ZZEF1: variants seen among roughly 807,000 people sequenced by gnomAD.
ZZEF1 encodes the protein zinc finger ZZ-type and EF-hand domain containing 1, also known as zinc finger ZZ-type and EF-hand domain-containing protein 1.
ZZEF1 carries 157 observed loss-of-function variants against 342.8 expected under a neutral mutation model. That is an observed-to-expected ratio of 0.46 (90% confidence interval 0.40 to 0.52). ZZEF1 has a LOEUF of 0.52. Ranked by LOEUF, ZZEF1 falls within the 20% of genes least tolerant of loss-of-function variation. The pLI is 0.00. For synonymous variants in ZZEF1, 1,505 were observed against 1,429.1 expected (o/e 1.05, Z -1.20); for missense variants, 3,480 against 3,725.6 (o/e 0.93, Z 1.72).
intron 26 of ZZEF1, among the ~76,000 whole-genome samples, chr17:4,067,906 C>A (rs577471717): frequency 6.6e-6 from 1 of 152,022 alleles, no homozygotes; most frequent in Non-Finnish European, 1.5e-5. Flanking sequence ...TAGCAAGACT[C>A]TGTCTCTACA....
chr17:4,130,056 T>C (rs779378901), intron 1 of ZZEF1, among the ~76,000 whole-genome samples: 1 of 152,096 alleles, frequency 6.6e-6, no homozygotes, highest in Non-Finnish European at 1.5e-5. Context: ...AAAATAACTA[T>C]TGGGTGCTGG....
chr17:4,063,059 A>T (rs2057318310), intron 29 of ZZEF1, 142 bp from the exon 30 acceptor site: 1 of 760,018 alleles, frequency 1.3e-6, no homozygotes, highest in African/African-American at 1.8e-5. Flanking sequence ...TAGGAGAAGT[A>T]CCAATACCTC....
intron 42 of ZZEF1, among the ~76,000 whole-genome samples, chr17:4,028,078 T>C (rs1482491161): frequency 6.6e-6 from 1 of 152,216 alleles, no homozygotes; most frequent in Non-Finnish European, 1.5e-5. Context: ...TAAATGTTGT[T>C]CTAGGGTTTA....
intron 11 of ZZEF1, among the ~76,000 whole-genome samples, chr17:4,093,536 T>C (rs1334754085): frequency 6.6e-6 from 1 of 152,214 alleles, no homozygotes; most frequent in Non-Finnish European, 1.5e-5. Context: ...ATTCGAATTA[T>C]TCTAGATCCT....
intron 27 of ZZEF1, 146 bp from the exon 28 acceptor site, chr17:4,066,686 C>T: frequency 1.4e-6 from 1 of 696,254 alleles, no homozygotes; most frequent in Non-Finnish European, 2.5e-6. Context: ...ATACTCACAA[C>T]CTTATTACTT....
rs2144941893 is a variant in ZZEF1, at chr17:4,014,288, A to G, written c.8314+59T>C. On this transcript the variant is annotated intron_variant, in intron 50 of 54. Transcript: ENST00000381638. This position sits in a 1 kb window ranked among gnomAD's most constrained non-coding sequence, Gnocchi z 4.4. ...CATTCTCCAGTAAGTTCCCTTCTCA[A>G]TATTAAGTTTAAACACTGCCTGTGA... 1 of 1,611,622 alleles carries G rather than the reference A, an allele frequency of 6.2e-7. No individual in the cohort carries two copies. The highest frequency in any genetic ancestry group is 8.5e-7 in the Non-Finnish European group (1 of 1,177,956).
intron 9 of ZZEF1, among the ~76,000 whole-genome samples, chr17:4,100,698 G>C (rs796285570): frequency 5.3e-5 from 8 of 152,272 alleles, no homozygotes; most frequent in African/African-American, 1.9e-4. Context: ...AGCCGGGCGT[G>C]GTGGCGGGCG....
intron 3 of ZZEF1, among the ~76,000 whole-genome samples, chr17:4,115,455 G>A (rs2058379446): frequency 6.6e-6 from 1 of 152,170 alleles, no homozygotes; most frequent in African/African-American, 2.4e-5. Context: ...TTGAGGTCAG[G>A]AGGTCGAGAC....
At chr17:4,068,269 T>C (rs1341175865) in intron 26 of ZZEF1, among the ~76,000 whole-genome samples, 3 of 152,192 alleles carry the variant, frequency 2.0e-5, no homozygotes, top group Non-Finnish European at 2.9e-5. Context: ...AGGTTTTGTT[T>C]ATAATTAGAA....
At chr17:4,037,218 C>T (rs549347043) in intron 39 of ZZEF1, among the ~76,000 whole-genome samples, 19 of 152,284 alleles carry the variant, frequency 1.2e-4, no homozygotes, top group African/African-American at 3.4e-4. Flanking sequence ...ACTCTCCCCA[C>T]TAAATATTTA....
intron 43 of ZZEF1, among the ~76,000 whole-genome samples, chr17:4,023,335 G>A (rs928268823): frequency 3.3e-5 from 5 of 152,190 alleles, no homozygotes; most frequent in Non-Finnish European, 5.9e-5. Context: ...AGCTCCAGGA[G>A]AGCAGGGACC....
rs1425598721 is a variant in ZZEF1, at chr17:4,116,965, C to A, written c.694+7G>T. On this transcript the variant is annotated splice_region_variant and intron_variant, in intron 3 of 54. Coordinates refer to ENST00000381638, the MANE Select transcript of ZZEF1 (RefSeq NM_015113.4). ...GTATTTTCAGGAGAACCCCCACACA[C>A]ACATACCCTTTTCCTTTTGTACCAG... 1 of 1,597,174 alleles carries A rather than the reference C, an allele frequency of 6.3e-7. No individual in the cohort carries two copies.
intron 46 of ZZEF1, among the ~76,000 whole-genome samples, chr17:4,019,238 T>C (rs914817963): frequency 3.3e-5 from 5 of 152,142 alleles, no homozygotes; most frequent in African/African-American, 9.7e-5. Context: ...ATTGCAGATA[T>C]GTAAAGTTCT....
chr17:4,006,347 T>G lies in ZZEF1; in HGVS notation c.*543A>C, dbSNP rs1218683758. 1 of 175,028 alleles carries G rather than the reference T, an allele frequency of 5.7e-6. No homozygotes were observed. Among genetic ancestry groups the G allele is most frequent in the Non-Finnish European group, 1.2e-5 (1 of 81,482 alleles). The allele number at this position is 175,028 out of a possible 1,614,324, so 10.8% of individuals were successfully genotyped here. ...GGGTGCGGCCGTGCAGGGAGCTAGC[T>G]CGATGCCTGGTTCTGTACTGGATGC... On this transcript the variant is annotated 3_prime_UTR_variant, in exon 55 of 55. Coordinates refer to ENST00000381638, the MANE Select transcript of ZZEF1 (RefSeq NM_015113.4).
At chr17:4,096,098 CAA>C in intron 10 of ZZEF1, 119 bp from the exon 11 acceptor site, 1 of 1,144,540 alleles carries the variant, frequency 8.7e-7, no homozygotes, top group East Asian at 2.6e-5. Flanking sequence ...AAAAATATTT[CAA>C]ACATATTAAG....
In ZZEF1 at chr17:4,021,171, G is replaced by A. The variant is rs1398361419; in HGVS notation, c.7362C>T (p.Asp2454=). 1 of 1,613,864 alleles carries A rather than the reference G, an allele frequency of 6.2e-7. No homozygotes were observed. The highest frequency in any genetic ancestry group is 2.2e-5 in the East Asian group (1 of 44,884). Residue 2454 remains aspartate (D), a synonymous_variant, in exon 45 of 55, where the codon GAC becomes GAT. Coordinates refer to ENST00000381638, the MANE Select transcript of ZZEF1 (RefSeq NM_015113.4). ...SPGDPEQKKL[D]PLEGLDEPTR... ...TGGGCTCATCCAGGCCCTCAAGGGG[G>A]TCCAGCTTTTTCTGCTCTGGGTCGC...
At chr17:4,090,957 C>T in intron 11 of ZZEF1, 127 bp from the exon 12 acceptor site, 2 of 701,194 alleles carry the variant, frequency 2.9e-6, no homozygotes, top group Non-Finnish European at 5.0e-6. Context: ...CGAGAGCTGA[C>T]TATGGTACAT....
rs1385489832 is a variant in ZZEF1, at chr17:4,064,286, A to G, written c.4718+75T>C. 2.6e-6 allele frequency: 3 copies of G among 1,140,628 alleles called. No homozygotes were observed. In the African/African-American group the frequency reaches 4.7e-5, roughly 18 times the overall value. The allele number at this position is 1,140,628 out of a possible 1,614,324, so 70.7% of individuals were successfully genotyped here. A position where few individuals can be genotyped will look rare whatever the true frequency, so the allele number is the denominator to read the frequency against. On this transcript the variant is annotated intron_variant, in intron 29 of 54. Transcript: ENST00000381638. ...TATTATTTGTTCGTTTTTAACATGA[A>G]CTTCAAGCCTCTGACTAGACTGGGT...
In ZZEF1 at chr17:4,132,006, T is replaced by A. The variant is rs1417600252; in HGVS notation, c.355-7955A>T. On this transcript the variant is annotated intron_variant, in intron 1 of 54. Transcript: ENST00000381638. Reference sequence around the variant, plus strand: ...AGATAAAGCCTAAAACTGAAAACAATCACAAAGAACATAAACATATTACTT... The same window carrying A: ...AGATAAAGCCTAAAACTGAAAACAAACACAAAGAACATAAACATATTACTT... Among the ~76,000 whole-genome samples, 3 of 151,894 alleles carry A rather than the reference T, an allele frequency of 2.0e-5. No homozygotes were observed. The East Asian group carries it at 5.8e-4, about 29-fold the overall frequency.
Sources: gnomAD v4.1 joint callset for allele counts (sites outside exome capture counted in the v4.1 genomes callset) on GRCh38, gnomAD v4.1.1 for gene constraint, Gnocchi (gnomAD v3.1) non-coding constraint, MANE v1.5 for transcripts, NCBI Gene and HGNC (gene_info 2026-07-23, HGNC 2026-07-21) for gene names.